Variants in ASIC2 observed in about 807,000 individuals in gnomAD.
ASIC2 encodes acid sensing ion channel subunit 2.
Under a neutral mutation model 57.3 loss-of-function variants are expected in ASIC2, and 25 were observed. The observed-to-expected ratio is 0.44, with a 90% confidence interval of 0.32 to 0.61. The LOEUF (loss-of-function observed/expected upper bound fraction) is 0.61, where lower values mean the gene tolerates loss of function less well. Among genes scored for constraint, ASIC2 ranks in the 20% least tolerant of loss-of-function variants. The pLI is 0.06. For missense variants in ASIC2, 641 were observed against 738.1 expected, an observed-to-expected ratio of 0.87 and a Z score of 1.52; for synonymous variants, 319 against 307.5, an observed-to-expected ratio of 1.04 and a Z score of -0.39.
chr17:33,464,514 T>C (rs1405243347), intron 1 of ASIC2, among the ~76,000 whole-genome samples: 12 of 38,938 alleles, frequency 3.1e-4, no homozygotes, highest in African/African-American at 1.3e-3. Flanking sequence ...CTTTCTTTCT[T>C]TCTTTCTTTC....
At chr17:34,019,247 ACT>A (rs1283490700) in intron 1 of ASIC2, among the ~76,000 whole-genome samples, 2 of 152,174 alleles carry the variant, frequency 1.3e-5, no homozygotes, top group African/African-American at 4.8e-5. Context: ...TAGCAAAGAC[ACT>A]GTTGAAATGA....
intron 1 of ASIC2, among the ~76,000 whole-genome samples, chr17:34,011,804 C>T (rs1361165876): frequency 1.3e-5 from 2 of 152,180 alleles, no homozygotes; most frequent in African/African-American, 4.8e-5. Context: ...GCTCCTGTGA[C>T]ACCACTCACC....
intron 1 of ASIC2, chr17:33,131,480 C>T (rs1332398760): frequency 1.3e-5 from 2 of 152,350 alleles, no homozygotes; most frequent in African/African-American, 2.4e-5. Flanking sequence ...GCCTTGGAGG[C>T]CTTGGCTTGT....
At chr17:33,879,972 C>T (rs1233956793) in intron 1 of ASIC2, among the ~76,000 whole-genome samples, 3 of 152,210 alleles carry the variant, frequency 2.0e-5, no homozygotes, top group Admixed American at 1.3e-4. Flanking sequence ...TGCTCAACTA[C>T]ATGGAAACTG....
At chr17:33,189,008 G>C (rs1370918479) in intron 1 of ASIC2, among the ~76,000 whole-genome samples, 1 of 152,146 alleles carries the variant, frequency 6.6e-6, no homozygotes, top group East Asian at 1.9e-4. Context: ...GGGTGTGGGA[G>C]AGGGAAGTAC....
At chr17:34,095,661 A>ATATATATAATAT (rs1567818965) in intron 1 of ASIC2, among the ~76,000 whole-genome samples, 15 of 100,146 alleles carry the variant, frequency 1.5e-4, no homozygotes, top group African/African-American at 6.9e-4. Context: ...ATATAATTTT[A>ATATATATAATAT]TATATATATA....
At chr17:33,198,024 T>G (rs534619996) in intron 1 of ASIC2, among the ~76,000 whole-genome samples, 2 of 152,316 alleles carry the variant, frequency 1.3e-5, no homozygotes, top group African/African-American at 4.8e-5. Context: ...AATACTGGGT[T>G]TCCTCCTTTG....
At chr17:33,749,091 G>A (rs548318725) in intron 1 of ASIC2, among the ~76,000 whole-genome samples, 1 of 152,270 alleles carries the variant, frequency 6.6e-6, no homozygotes, top group East Asian at 1.9e-4. Flanking sequence ...CTGGGCAGGG[G>A]AGCAGGAAGG....
chr17:33,021,156 G>A (rs954387968), intron 7 of ASIC2, 63 bp downstream of exon 7: 4 of 1,082,540 alleles, frequency 3.7e-6, no homozygotes, highest in East Asian at 2.4e-5. Flanking sequence ...ATCCACCTGT[G>A]CATCCTCCCT....
chr17:33,905,141 C>CTTTTTTT (rs57064859), intron 1 of ASIC2, among the ~76,000 whole-genome samples: 2 of 87,886 alleles, frequency 2.3e-5, no homozygotes, highest in Admixed American at 1.3e-4. Context: ...TAGTTTAAGG[C>CTTTTTTT]TTTTTTTTTT....
intron 1 of ASIC2, among the ~76,000 whole-genome samples, chr17:33,436,633 G>A (rs1911617520): frequency 6.6e-6 from 1 of 152,024 alleles, no homozygotes; most frequent in South Asian, 2.1e-4. Context: ...TAAAAACCCA[G>A]CCTTTGAGTC....
intron 1 of ASIC2, among the ~76,000 whole-genome samples, chr17:33,921,495 G>C (rs1915707983): frequency 6.6e-6 from 1 of 152,098 alleles, no homozygotes; most frequent in Non-Finnish European, 1.5e-5. Flanking sequence ...ATATTTCCAA[G>C]GAGCTTCAAG....
At chr17:34,021,262 A>T (rs922818365) in intron 1 of ASIC2, among the ~76,000 whole-genome samples, 8 of 152,104 alleles carry the variant, frequency 5.3e-5, no homozygotes, top group African/African-American at 1.7e-4. Context: ...ATTAAAAAAA[A>T]AAAATAGACT....
chr17:33,202,293 C>T (rs752789327), intron 1 of ASIC2, among the ~76,000 whole-genome samples: 23 of 152,126 alleles, frequency 1.5e-4, no homozygotes, highest in Middle Eastern at 3.2e-3. Context: ...GGGACAGCTG[C>T]GGGTTCATTA....
intron 1 of ASIC2, among the ~76,000 whole-genome samples, chr17:33,630,445 C>T (rs1453256641): frequency 1.3e-5 from 2 of 152,178 alleles, no homozygotes; most frequent in Non-Finnish European, 2.9e-5. Context: ...CCCCCTTTCC[C>T]TGTCCTCCCC....
intron 1 of ASIC2, among the ~76,000 whole-genome samples, chr17:33,521,222 G>A (rs1480089288): frequency 2.0e-5 from 3 of 152,136 alleles, no homozygotes; most frequent in Non-Finnish European, 4.4e-5. Context: ...CTGGAGCTGG[G>A]TAAGCAGGGG....
intron 1 of ASIC2, among the ~76,000 whole-genome samples, chr17:33,606,964 C>T (rs1248405620): frequency 6.6e-6 from 1 of 152,178 alleles, no homozygotes; most frequent in East Asian, 1.9e-4. Context: ...GTGGGTGTTG[C>T]AGAGCAGTAA....
At chr17:34,122,477 G>A (rs750078662) in intron 1 of ASIC2, among the ~76,000 whole-genome samples, 4 of 152,190 alleles carry the variant, frequency 2.6e-5, no homozygotes, top group Non-Finnish European at 5.9e-5. Context: ...CTGCCACTTC[G>A]ATATCGACTT....
rs999002212 is a variant in ASIC2 at position 34,124,565 on chromosome 17, G to A, written c.555+31413C>T. ...CCACTTACAGTCAGTTCTGGTTTCT[G>A]TAACAGAATACCACAGACTAGGTGG... On this transcript the variant is annotated intron_variant, in intron 1 of 9. Transcript: ENST00000359872. Among the ~76,000 whole-genome samples the A allele has an allele frequency of 2.6e-5, 4 of 152,106 alleles. No homozygotes were observed. In the East Asian group the frequency reaches 5.8e-4, roughly 22 times the overall value.
Sources: gnomAD v4.1 joint callset for allele counts (sites outside exome capture counted in the v4.1 genomes callset) on GRCh38, gnomAD v4.1.1 for gene constraint, MANE v1.5 for transcripts, NCBI Gene and HGNC (gene_info 2026-07-23, HGNC 2026-07-21) for gene names.